MUSK: variants seen among roughly 807,000 people sequenced by gnomAD.
MUSK encodes the protein muscle, skeletal receptor tyrosine-protein kinase.
Under a neutral mutation model 88.7 loss-of-function variants are expected in MUSK, and 55 were observed. The ratio of observed to expected loss-of-function variants is 0.62; its 90% confidence interval spans 0.50 to 0.78. The LOEUF is 0.78. MUSK is among the 30% of genes least tolerant of loss of function. MUSK has a pLI of 0.00. For synonymous variants in MUSK, 387 were observed against 391.9 expected, an observed-to-expected ratio of 0.99 and a Z score of 0.15; for missense variants, 1,015 against 1,074.3, an observed-to-expected ratio of 0.94 and a Z score of 0.77.
chr9:110,762,241 A>G (rs771677859), intron 8 of MUSK, 33 bp downstream of exon 8: 64 of 1,407,174 alleles, frequency 4.5e-5, no homozygotes, highest in Admixed American at 6.9e-5. Context: ...ATTGTTTCCA[A>G]TGTTTTGTTT....
chr9:110,773,646 T>TA (rs907526464), intron 9 of MUSK, among the ~76,000 whole-genome samples: 7 of 151,838 alleles, frequency 4.6e-5, no homozygotes, highest in African/African-American at 9.7e-5. Flanking sequence ...TTTTCACATG[T>TA]AAAAAAAAAT....
Position 110,785,579 on chromosome 9 carries a change from A to G in MUSK, c.1639A>G (p.Arg547Gly). ...ACTGCCTTCTGAGCTCTTACTAGAT[A>G]GACTTCATCCCAACCCCATGTACCA... is the stretch of plus-strand genomic sequence containing the variant. Reference protein sequence around the residue: ...TTLPSELLLDRLHPNPMYQRM... With the variant: ...TTLPSELLLDGLHPNPMYQRM... The change falls in exon 13 of 15, where the codon AGA becomes GGA. Residue 547 changes from arginine to glycine, a missense_variant. Coordinates refer to ENST00000374448, the MANE Select transcript of MUSK (RefSeq NM_005592.4). 4 of 1,613,358 alleles carry G rather than the reference A, an allele frequency of 2.5e-6. No individual in the cohort carries two copies. The highest frequency in any genetic ancestry group is 3.4e-6 in the Non-Finnish European group (4 of 1,179,570).
At chr9:110,726,266 T>C (rs1383691028) in intron 5 of MUSK, among the ~76,000 whole-genome samples, 1 of 151,902 alleles carries the variant, frequency 6.6e-6, no homozygotes, top group Non-Finnish European at 1.5e-5. Flanking sequence ...ATGTCTTGAG[T>C]TCATCCACTG....
At chr9:110,765,478 A>C (rs1393202183) in intron 8 of MUSK, among the ~76,000 whole-genome samples, 1 of 152,190 alleles carries the variant, frequency 6.6e-6, no homozygotes, top group African/African-American at 2.4e-5. Flanking sequence ...CCTATATAAC[A>C]ATGACAGGTT....
At chr9:110,669,103 G>T in intron 1 of MUSK, 120 bp downstream of exon 1, 2 of 886,986 alleles carry the variant, frequency 2.3e-6, no homozygotes, top group Non-Finnish European at 3.8e-6. Context: ...GAAGAAGTAA[G>T]GGTGAAATGT....
chr9:110,671,407 T>C (rs1951631446), intron 1 of MUSK, among the ~76,000 whole-genome samples: 1 of 152,222 alleles, frequency 6.6e-6, no homozygotes. Flanking sequence ...CTAAGTCCTT[T>C]ATCATGAATG....
chr9:110,698,397 A>G (rs1432463867), intron 5 of MUSK, among the ~76,000 whole-genome samples: 2 of 152,224 alleles, frequency 1.3e-5, no homozygotes. Flanking sequence ...GATAAGTGTT[A>G]GAGTATCACA....
intron 5 of MUSK, among the ~76,000 whole-genome samples, chr9:110,715,776 G>A (rs1306015491): frequency 6.7e-6 from 1 of 149,154 alleles, no homozygotes; most frequent in African/African-American, 2.6e-5. Context: ...ATATGCCATG[G>A]AATACTATGC....
At chr9:110,758,771 A>G (rs908535670) in intron 7 of MUSK, among the ~76,000 whole-genome samples, 1 of 152,200 alleles carries the variant, frequency 6.6e-6, no homozygotes, top group African/African-American at 2.4e-5. Context: ...CCTATATACC[A>G]ACAATCACCA....
At position 110,687,285 on chromosome 9, in the gene MUSK, T is replaced by A; in HGVS notation, c.358+17T>A. 2 of 1,612,900 alleles carry A rather than the reference T, an allele frequency of 1.2e-6. No individual in the cohort carries two copies. Among genetic ancestry groups the A allele is most frequent in the South Asian group, 2.2e-5 (2 of 90,950 alleles). On this transcript the variant is annotated intron_variant, in intron 3 of 14. Coordinates refer to ENST00000374448, the MANE Select transcript of MUSK (RefSeq NM_005592.4). ...TGAAGATGAGTGAGTGGGAAACAGATTCGTCTATTGATTTGAAAGTTGACT... is the reference window on the plus strand; with the variant it reads ...TGAAGATGAGTGAGTGGGAAACAGAATCGTCTATTGATTTGAAAGTTGACT...
rs1440167718 is a variant in MUSK at position 110,803,426 on chromosome 9, T to C, written c.*2438T>C. ...AACAGTCACAGAGAGATTGTGCAAC[T>C]GGCCCGAGTGCACACAGCAACAGAG... On this transcript the variant is annotated 3_prime_UTR_variant, in exon 15 of 15. Transcript: ENST00000374448. Among the ~76,000 whole-genome samples the C allele has an allele frequency of 6.6e-6, 1 of 152,196 alleles. No individual in the cohort carries two copies. Among genetic ancestry groups the C allele is most frequent in the African/African-American group, 2.4e-5 (1 of 41,454 alleles).
chr9:110,677,012 G>T (rs907718017), intron 1 of MUSK, among the ~76,000 whole-genome samples: 1 of 152,112 alleles, frequency 6.6e-6, no homozygotes, highest in African/African-American at 2.4e-5. Context: ...CCCTCACTGT[G>T]CTTTAAGAGG....
intron 3 of MUSK, among the ~76,000 whole-genome samples, chr9:110,690,001 T>TAA (rs1456449032): frequency 2.2e-5 from 2 of 90,100 alleles, no homozygotes; most frequent in East Asian, 6.6e-4. Context: ...TTATATATTA[T>TAA]ATATTATAAA....
chr9:110,787,544 T>C, intron 13 of MUSK, 146 bp from the exon 14 acceptor site: 4 of 671,498 alleles, frequency 6.0e-6, no homozygotes, highest in Non-Finnish European at 9.5e-6. Context: ...TTGTCTTTCT[T>C]TGATTCTGTG....
At position 110,785,522 on chromosome 9, in the gene MUSK, T is replaced by G. The variant is rs1218975665; in HGVS notation, c.1587-5T>G. 6.3e-7 allele frequency: 1 copy of G among 1,595,960 alleles called. No individual in the cohort carries two copies. The highest frequency in any genetic ancestry group is 1.3e-5 in the African/African-American group (1 of 74,686). ...CATTCCTGATCTTGCCTGTCTTGCC[T>G]GCAGAGAATCAGCAGCAGTAACCCT... is the stretch of plus-strand genomic sequence containing the variant. On this transcript the variant is annotated splice_polypyrimidine_tract_variant and splice_region_variant and intron_variant, in intron 12 of 14. Transcript: ENST00000374448.
At chr9:110,755,943 T>C (rs12379042) in intron 7 of MUSK, among the ~76,000 whole-genome samples, 1 of 75,506 alleles carries the variant, frequency 1.3e-5, no homozygotes, top group South Asian at 4.3e-4. Context: ...CATATATATA[T>C]ATATATACAC....
Position 110,804,144 on chromosome 9 carries a change from C to A in MUSK, c.*3156C>A, listed in dbSNP as rs2078129582. On this transcript the variant is annotated 3_prime_UTR_variant, in exon 15 of 15. Coordinates refer to ENST00000374448, the MANE Select transcript of MUSK (RefSeq NM_005592.4). ...TTTTGGAATAATATTCTATTTTATT[C>A]ATATACTGTAATTTAGCTAATCAAT... 6.6e-6 allele frequency among the ~76,000 whole-genome samples: 1 copy of A among 152,118 alleles called. No homozygotes were observed. Among genetic ancestry groups the A allele is most frequent in the Non-Finnish European group, 1.5e-5 (1 of 67,990 alleles).
At chr9:110,717,497 G>T (rs533364966) in intron 5 of MUSK, among the ~76,000 whole-genome samples, 1 of 149,648 alleles carries the variant, frequency 6.7e-6, no homozygotes. Context: ...TTAAAACACT[G>T]AATTATTTTA....
At chr9:110,721,415 C>A (rs1178828991) in intron 5 of MUSK, among the ~76,000 whole-genome samples, 1 of 152,090 alleles carries the variant, frequency 6.6e-6, no homozygotes, top group Non-Finnish European at 1.5e-5. Context: ...AATTAATGTA[C>A]ACAAATCAGT....
Sources: gnomAD v4.1 joint callset for allele counts (sites outside exome capture counted in the v4.1 genomes callset) on GRCh38, gnomAD v4.1.1 for gene constraint, MANE v1.5 for transcripts, NCBI Gene and HGNC (gene_info 2026-07-23, HGNC 2026-07-21) for gene names.